Variants in PAPSS1 observed in about 807,000 individuals in gnomAD.
PAPSS1 encodes 3'-phosphoadenosine 5'-phosphosulfate synthase 1.
PAPSS1 carries 50 observed loss-of-function variants against 72.0 expected under a neutral mutation model. That is an observed-to-expected ratio of 0.69 (90% CI 0.55 to 0.88). The LOEUF is 0.88. Ranked by LOEUF, PAPSS1 falls within the 40% of genes least tolerant of loss-of-function variation. The pLI, the probability that PAPSS1 is intolerant of heterozygous loss-of-function variation, is 0.00. For synonymous variants in PAPSS1, 261 were observed against 263.6 expected (o/e 0.99, Z 0.09); for missense variants, 657 against 782.2 (o/e 0.84, Z 1.91).
intron 9 of PAPSS1, among the ~76,000 whole-genome samples, chr4:107,647,242 T>C (rs1448069619): frequency 6.6e-6 from 1 of 152,196 alleles, no homozygotes. Flanking sequence ...GACATGACAA[T>C]ATTCCTTCAC....
chr4:107,675,928 A>C (rs1727631217), intron 5 of PAPSS1, among the ~76,000 whole-genome samples: 1 of 152,246 alleles, frequency 6.6e-6, no homozygotes, highest in South Asian at 2.1e-4. Context: ...AACCAAAGAC[A>C]AAAACCATAT....
chr4:107,684,070 C>G (rs995205742), intron 4 of PAPSS1, among the ~76,000 whole-genome samples: 7 of 152,068 alleles, frequency 4.6e-5, no homozygotes, highest in Non-Finnish European at 1.0e-4. Context: ...AGAAAGTAAA[C>G]AAGAAACTGG....
intron 3 of PAPSS1, among the ~76,000 whole-genome samples, chr4:107,687,769 C>A (rs1287471371): frequency 6.6e-6 from 1 of 152,150 alleles, no homozygotes; most frequent in African/African-American, 2.4e-5. Context: ...TTTCTTCTTT[C>A]TGGTCTTCAA....
At chr4:107,649,620 C>G (rs1260562109) in intron 9 of PAPSS1, among the ~76,000 whole-genome samples, 1 of 152,202 alleles carries the variant, frequency 6.6e-6, no homozygotes, top group Admixed American at 6.5e-5. Flanking sequence ...CTATCCACTT[C>G]AGAGCCAAAC....
intron 1 of PAPSS1, among the ~76,000 whole-genome samples, chr4:107,717,617 A>C (rs187414936): frequency 1.3e-5 from 2 of 152,148 alleles, no homozygotes; most frequent in African/African-American, 4.8e-5. Context: ...CTCTCATAAT[A>C]TTCACCCTCA....
rs376590680 is a variant in PAPSS1 at position 107,645,089 on chromosome 4, G to C, written c.1238-19C>G. 1.0e-5 allele frequency: 15 copies of C among 1,486,492 alleles called. No individual in the cohort carries two copies. The African/African-American group carries it at 1.6e-4, about 15-fold the overall frequency. The allele number at this position is 1,486,492 out of a possible 1,614,324, so 92.1% of individuals were successfully genotyped here. On this transcript the variant is annotated intron_variant, in intron 9 of 11. Coordinates refer to ENST00000265174, the MANE Select transcript of PAPSS1 (RefSeq NM_005443.5). The stretch of plus-strand genomic sequence containing the variant: ...ACAGCATCTGAAAAGAGAATTTCCA[G>C]AGTTAAGAATAGCATGTTTCTAACA...
At chr4:107,635,054 T>C (rs1726332005) in intron 10 of PAPSS1, among the ~76,000 whole-genome samples, 1 of 152,338 alleles carries the variant, frequency 6.6e-6, no homozygotes. Context: ...CGCCTTGGCC[T>C]CCCAAAGTGC....
chr4:107,684,140 T>C (rs1722710846), intron 4 of PAPSS1, among the ~76,000 whole-genome samples: 1 of 152,156 alleles, frequency 6.6e-6, no homozygotes, highest in African/African-American at 2.4e-5. Flanking sequence ...AAGAGCATTG[T>C]GGACAAGGTC....
At chr4:107,710,545 A>G (rs2726174) in intron 1 of PAPSS1, among the ~76,000 whole-genome samples, 120,078 of 151,736 alleles carry the variant, frequency 0.79, 50,797 homozygotes, top group South Asian at 0.95. Flanking sequence ...GGATGAGCAG[A>G]TAGCTGAAAG....
intron 4 of PAPSS1, 129 bp downstream of exon 4, chr4:107,686,910 A>G (rs1302340312): frequency 3.5e-6 from 3 of 851,200 alleles, no homozygotes; most frequent in East Asian, 5.3e-5. Context: ...CAGTGTAATA[A>G]GACTACATTC....
rs1387156235 is a variant in PAPSS1, at chr4:107,613,994, TAA to T, written c.*253_*254del. 3.6e-6 allele frequency: 1 copy of T among 280,292 alleles called. No individual in the cohort carries two copies. Among genetic ancestry groups the T allele is most frequent in the Non-Finnish European group, 6.5e-6 (1 of 152,978 alleles). The allele number at this position is 280,292 out of a possible 1,614,324, so 17.4% of individuals were successfully genotyped here. On this transcript the variant is annotated 3_prime_UTR_variant, in exon 12 of 12. Coordinates refer to ENST00000265174, the MANE Select transcript of PAPSS1 (RefSeq NM_005443.5). ...ATGACACAGAAGCATAAATATAATA[TAA>T]AAAGACAATTTTAAAATTGTATTGT...
intron 9 of PAPSS1, 127 bp downstream of exon 9, chr4:107,653,364 T>C (rs2110318024): frequency 1.4e-6 from 1 of 704,630 alleles, no homozygotes; most frequent in African/African-American, 1.8e-5. Context: ...TGACTACCTT[T>C]CTTTACATAT....
intron 11 of PAPSS1, among the ~76,000 whole-genome samples, chr4:107,627,561 C>A (rs1297318831): frequency 6.6e-6 from 1 of 152,030 alleles, no homozygotes; most frequent in African/African-American, 2.4e-5. Flanking sequence ...ATTATAGGGC[C>A]TCTCCCCAGA....
Position 107,614,277 on chromosome 4 carries a change from T to A in PAPSS1, c.1847A>T (p.Glu616Val). 6.2e-7 allele frequency: 1 copy of A among 1,613,904 alleles called. No individual in the cohort carries two copies. Among genetic ancestry groups the A allele is most frequent in the Non-Finnish European group, 8.5e-7 (1 of 1,179,838 alleles). ...AGCTTTCTCCAAGGATTTGTAGTAT[T>A]CTGTCAGCACGGTCCAAGCCTTGGG... ...MAPKAWTVLT[E>V]YYKSLEKA The change falls in exon 12 of 12, where the codon GAA (glutamate) becomes GTA (valine). Residue 616 changes from glutamate (E) to valine (V), a missense_variant. Physicochemically the swap from Glu to Val is moderately radical, Grantham distance 121 (BLOSUM62 -2). Transcript: ENST00000265174.
intron 5 of PAPSS1, among the ~76,000 whole-genome samples, chr4:107,675,735 A>G (rs557377391): frequency 6.6e-6 from 1 of 152,342 alleles, no homozygotes; most frequent in Admixed American, 6.5e-5. Flanking sequence ...CAGCAAAAAA[A>G]GAAAATTTTA....
intron 10 of PAPSS1, among the ~76,000 whole-genome samples, chr4:107,635,002 G>A (rs1241376615): frequency 1.3e-5 from 2 of 151,906 alleles, no homozygotes; most frequent in East Asian, 3.9e-4. Context: ...GTTTTACCGT[G>A]TTAGCCAGGA....
intron 3 of PAPSS1, 58 bp from the exon 4 acceptor site, chr4:107,687,235 ATT>A: frequency 7.7e-7 from 1 of 1,298,300 alleles, no homozygotes; most frequent in Non-Finnish European, 1.0e-6. Context: ...CTATATTAAT[ATT>A]AAAGATGAGT....
Position 107,720,169 on chromosome 4 carries a change from G to A in PAPSS1, c.11C>T (p.Pro4Leu), listed in dbSNP as rs1484984516. Residue 4 changes from proline (P) to leucine (L), a missense_variant, in exon 1 of 12, where the codon CCC becomes CTC. Physicochemically the swap from Pro to Leu is moderately conservative, Grantham distance 98. This residue lies in a region of PAPSS1 where 48 missense variants were observed against 31.9 expected (regional missense o/e 1.51). Transcript: ENST00000265174. MEI[P>L]GSLCKKVKLS... ...TTTGACTTTCTTGCACAGGCTCCCG[G>A]GGATCTCCATGACCGCGGAGCGCGC... 2 of 1,604,268 alleles carry A rather than the reference G, an allele frequency of 1.2e-6. No individual in the cohort carries two copies. The highest frequency in any genetic ancestry group is 1.7e-5 in the Admixed American group (1 of 59,268).
chr4:107,613,896 T>G lies in PAPSS1; in HGVS notation c.*353A>C, dbSNP rs1431102845. On this transcript the variant is annotated 3_prime_UTR_variant, in exon 12 of 12. Transcript: ENST00000265174. Reference sequence around the variant, plus strand: ...TTATTGTTTGGTAATTTTTTTCTTTTTTTAAGGGGAAAAAAAGCAAGATTT... The same window carrying G: ...TTATTGTTTGGTAATTTTTTTCTTTGTTTAAGGGGAAAAAAAGCAAGATTT... The G allele has an allele frequency of 1.3e-5, 2 of 158,134 alleles. No individual in the cohort carries two copies. The highest frequency in any genetic ancestry group is 2.4e-5 in the African/African-American group (1 of 41,412). 9.8% of individuals were successfully genotyped at this position (158,134 alleles called of 1,614,324 possible).
Sources: allele counts gnomAD v4.1 joint callset (sites outside exome capture counted in the v4.1 genomes callset), GRCh38; gene constraint gnomAD v4.1.1; regional missense constraint gnomAD v4.1.1; transcripts MANE v1.5; gene names NCBI Gene and HGNC (gene_info 2026-07-23, HGNC 2026-07-21).